Variants in APH1B observed in about 807,000 individuals in gnomAD.
APH1B encodes gamma-secretase subunit APH-1B.
In APH1B, 27 loss-of-function variants were observed where a neutral mutation model predicts 28.2. That is an observed-to-expected ratio of 0.96 (90% CI 0.70 to 1.32). The LOEUF (loss-of-function observed/expected upper bound fraction) is 1.32. APH1B is among the 40% of genes most tolerant of loss of function. APH1B has a pLI of 0.00. For missense variants in APH1B, 305 were observed against 313.6 expected (o/e 0.97, Z 0.21); for synonymous variants, 141 against 124.6 (o/e 1.13, Z -0.88).
chr15:63,285,040 G>T (rs934190404), intron 2 of APH1B, among the ~76,000 whole-genome samples: 1 of 152,152 alleles, frequency 6.6e-6, no homozygotes, highest in Non-Finnish European at 1.5e-5. Context: ...CATTTTAGTT[G>T]GTTACTGCTT....
At chr15:63,305,056 A>G (rs1223496380) in intron 5 of APH1B, among the ~76,000 whole-genome samples, 1 of 152,202 alleles carries the variant, frequency 6.6e-6, no homozygotes, top group East Asian at 1.9e-4. Context: ...TTTGTGACTA[A>G]TTGTTTCTTC....
At chr15:63,298,430 C>T (rs893774914) in intron 4 of APH1B, among the ~76,000 whole-genome samples, 2 of 152,116 alleles carry the variant, frequency 1.3e-5, no homozygotes, top group South Asian at 2.1e-4. Context: ...AAGCTGGTTT[C>T]GAACTCCTGG....
At chr15:63,301,326 C>G (rs1421140531) in intron 4 of APH1B, among the ~76,000 whole-genome samples, 2 of 152,178 alleles carry the variant, frequency 1.3e-5, no homozygotes, top group African/African-American at 4.8e-5. Flanking sequence ...TTTTGCCAGT[C>G]TGGTGGGTGT....
At chr15:63,300,608 A>G (rs899000956) in intron 4 of APH1B, among the ~76,000 whole-genome samples, 30 of 152,154 alleles carry the variant, frequency 2.0e-4, no homozygotes, top group Non-Finnish European at 4.3e-4. Context: ...CGGGGTCATC[A>G]CCGGGGTTAA....
Position 63,305,879 on chromosome 15 carries a change from A to G in APH1B, c.*98A>G, listed in dbSNP as rs1199916519. 2 of 1,436,804 alleles carry G rather than the reference A, an allele frequency of 1.4e-6. No individual in the cohort carries two copies. Among genetic ancestry groups the G allele is most frequent in the Non-Finnish European group, 1.9e-6 (2 of 1,072,728 alleles). The allele number at this position is 1,436,804 out of a possible 1,614,324, so 89.0% of individuals were successfully genotyped here. A position where few individuals can be genotyped will look rare whatever the true frequency, so the allele number is the denominator to read the frequency against. ...AATCCCTTTTTCTGGTGGAATTGAG[A>G]AAGAAATAAAACTATGCAGATATGC... On this transcript the variant is annotated 3_prime_UTR_variant, in exon 6 of 6. Coordinates refer to ENST00000261879, the MANE Select transcript of APH1B (RefSeq NM_031301.4).
chr15:63,279,764 A>G (rs35835101), intron 2 of APH1B, among the ~76,000 whole-genome samples: 20,329 of 151,286 alleles, frequency 0.13, 1,805 homozygotes, highest in East Asian at 0.47. Flanking sequence ...CTTAGAATGT[A>G]TATGTTCTCT....
intron 4 of APH1B, among the ~76,000 whole-genome samples, chr15:63,288,663 A>G (rs1213575568): frequency 2.6e-5 from 4 of 152,236 alleles, no homozygotes; most frequent in African/African-American, 9.6e-5. Context: ...AAGTTAGAGG[A>G]CAAGAAAGTG....
chr15:63,286,510 C>CTTTTT, intron 2 of APH1B, 48 bp from the exon 3 acceptor site: 4 of 1,242,312 alleles, frequency 3.2e-6, no homozygotes, highest in African/African-American at 1.6e-5. Flanking sequence ...ATTGCTCTTC[C>CTTTTT]TTTTTTTTTT....
intron 5 of APH1B, among the ~76,000 whole-genome samples, chr15:63,303,747 C>G (rs981798779): frequency 1.3e-5 from 2 of 152,170 alleles, no homozygotes; most frequent in African/African-American, 2.4e-5. Flanking sequence ...CCTCTCTCAG[C>G]CCCTCAAAGT....
At chr15:63,298,853 C>A (rs1014060701) in intron 4 of APH1B, among the ~76,000 whole-genome samples, 1 of 150,280 alleles carries the variant, frequency 6.7e-6, no homozygotes, top group Non-Finnish European at 1.5e-5. Context: ...TATATATAAT[C>A]TTCAGGCCAG....
chr15:63,304,970 C>T lies in APH1B; in HGVS notation c.607-644C>T, dbSNP rs560665224. Among the ~76,000 whole-genome samples, 1 of 152,346 alleles carries T rather than the reference C, an allele frequency of 6.6e-6. No homozygotes were observed. Among genetic ancestry groups the T allele is most frequent in the East Asian group, 1.9e-4 (1 of 5,180 alleles). On this transcript the variant is annotated intron_variant, in intron 5 of 5. Coordinates refer to ENST00000261879, the MANE Select transcript of APH1B (RefSeq NM_031301.4). This position sits in a 1 kb window ranked among gnomAD's most constrained non-coding sequence, Gnocchi z 5.1. ...TTTCTTCAGGCCTTCTTTGACAGCC[C>T]TAAGGAGATCACCTTGTTTTTACCC...
At position 63,305,731 on chromosome 15, in the gene APH1B, C is replaced by T. The variant is rs1463826165; in HGVS notation, c.724C>T (p.Leu242=). The change falls in exon 6 of 6, where the codon CTG becomes TTG. Residue 242 remains leucine (L), a synonymous_variant. Transcript: ENST00000261879. ...CAGCTGCCGAAGCCTGAAACTCTGCCTGCTCTGCCAAGACAAGAACTTTCT... is the reference window on the plus strand; with the variant it reads ...CAGCTGCCGAAGCCTGAAACTCTGCTTGCTCTGCCAAGACAAGAACTTTCT... ...GGSCRSLKLC[L]LCQDKNFLLY... The T allele has an allele frequency of 1.2e-6, 2 of 1,614,116 alleles. No homozygotes were observed. The highest frequency in any genetic ancestry group is 1.3e-5 in the African/African-American group (1 of 74,944).
intron 2 of APH1B, among the ~76,000 whole-genome samples, chr15:63,282,186 A>G (rs1210633724): frequency 1.3e-5 from 2 of 152,226 alleles, no homozygotes; most frequent in Admixed American, 1.3e-4. Context: ...CTCTTATTCT[A>G]TATTGCATTC....
intron 2 of APH1B, among the ~76,000 whole-genome samples, chr15:63,283,531 A>G (rs755014738): frequency 4.0e-4 from 61 of 152,170 alleles, no homozygotes; most frequent in Non-Finnish European, 6.5e-4. Flanking sequence ...TGCCCAGACA[A>G]TTTATCTCTT....
At chr15:63,280,326 A>C (rs1248689589) in intron 2 of APH1B, among the ~76,000 whole-genome samples, 1 of 152,222 alleles carries the variant, frequency 6.6e-6, no homozygotes, top group African/African-American at 2.4e-5. Flanking sequence ...ACTTGGAACC[A>C]TATTTCCTTT....
Position 63,304,528 on chromosome 15 carries a change from T to C in APH1B, c.607-1086T>C, listed in dbSNP as rs1332608602. On this transcript the variant is annotated intron_variant, in intron 5 of 5. Coordinates refer to ENST00000261879, the MANE Select transcript of APH1B (RefSeq NM_031301.4). The surrounding 1 kb of genome is among the most constrained non-coding windows in gnomAD (Gnocchi z 5.1). ...TGTATTGCAGATAACTTCTGTGGCA[T>C]GGTTTGTCTTTACATTCTCTTAATG... Among the ~76,000 whole-genome samples, 1 of 152,208 alleles carries C rather than the reference T, an allele frequency of 6.6e-6. No homozygotes were observed. The highest frequency in any genetic ancestry group is 1.5e-5 in the Non-Finnish European group (1 of 68,036).
intron 4 of APH1B, among the ~76,000 whole-genome samples, chr15:63,302,037 G>A (rs1567032745): frequency 6.6e-6 from 1 of 152,208 alleles, no homozygotes; most frequent in Non-Finnish European, 1.5e-5. Context: ...TCGTGCAGAA[G>A]GCTCACTGGG....
chr15:63,302,263 C>G, intron 4 of APH1B, 82 bp from the exon 5 acceptor site: 2 of 1,516,266 alleles, frequency 1.3e-6, no homozygotes, highest in African/African-American at 1.4e-5. Flanking sequence ...TGGTGGACAC[C>G]CCGAGAGCCC....
At chr15:63,297,988 A>C (rs1230643601) in intron 4 of APH1B, among the ~76,000 whole-genome samples, 2 of 152,190 alleles carry the variant, frequency 1.3e-5, no homozygotes, top group Non-Finnish European at 2.9e-5. Context: ...TTGTGTTAAT[A>C]AAATGGTAAA....
Sources: allele counts gnomAD v4.1 joint callset (sites outside exome capture counted in the v4.1 genomes callset), GRCh38; gene constraint gnomAD v4.1.1; non-coding constraint Gnocchi (gnomAD v3.1); transcripts MANE v1.5; gene names NCBI Gene and HGNC (gene_info 2026-07-23, HGNC 2026-07-21).